Variants in GSDME observed in about 807,000 individuals in gnomAD.
The protein encoded by GSDME is gasdermin E.
In GSDME, 44 loss-of-function variants were observed where a neutral mutation model predicts 47.5. The observed-to-expected ratio is 0.93, with a 90% confidence interval of 0.73 to 1.19. The LOEUF (loss-of-function observed/expected upper bound fraction) is 1.19, where lower values mean the gene tolerates loss of function less well. Among genes scored for constraint, GSDME ranks in the 50% most tolerant of loss-of-function variants. GSDME has a pLI of 0.00. For missense variants in GSDME, 663 were observed against 604.2 expected, an observed-to-expected ratio of 1.10 and a Z score of -1.02; for synonymous variants, 258 against 252.8, an observed-to-expected ratio of 1.02 and a Z score of -0.20.
At chr7:24,791,978 G>C in the GSDME span, among the ~76,000 whole-genome samples, 2 of 152,184 alleles carry the variant, frequency 1.3e-5, no homozygotes, top group Admixed American at 6.5e-5. This position sits in a 1 kb window ranked among gnomAD's most constrained non-coding sequence, Gnocchi z 4.8. Flanking sequence ...GAGACAGCTT[G>C]GCACAACCTA....
In GSDME at chr7:24,710,336, A is replaced by T. The variant is rs760540379; in HGVS notation, c.750T>A (p.Ile250=). ...KQGGFENKKR[I]DSVYLDPLVF... is the part of the protein sequence containing the mutation. ...CCAGGGGGTCCAGGTAGACAGAGTC[A>T]ATTCTCTTCTTGTTCTCGAAGCCAC... Residue 250 remains isoleucine, a synonymous_variant, in exon 6 of 10, where the codon ATT becomes ATA. Transcript: ENST00000645220. 1.2e-6 allele frequency: 2 copies of T among 1,614,264 alleles called. No homozygotes were observed. The highest frequency in any genetic ancestry group is 1.7e-5 in the Admixed American group (1 of 60,032).
chr7:24,795,377 C>T, the GSDME span, among the ~76,000 whole-genome samples: 3 of 152,184 alleles, frequency 2.0e-5, no homozygotes, highest in Non-Finnish European at 4.4e-5. Context: ...GCAGACAAAA[C>T]CCCTCAGACA....
At chr7:24,731,949 C>T (rs1254240047) in intron 3 of GSDME, among the ~76,000 whole-genome samples, 1 of 152,152 alleles carries the variant, frequency 6.6e-6, no homozygotes, top group Non-Finnish European at 1.5e-5. Context: ...ACCCTGAATT[C>T]GGCCTAAAAA....
At chr7:24,785,309 G>A in the GSDME span, among the ~76,000 whole-genome samples, 1 of 152,160 alleles carries the variant, frequency 6.6e-6, no homozygotes, top group African/African-American at 2.4e-5. Flanking sequence ...ACCTTGAGTT[G>A]CAATTTCACT....
intron 1 of GSDME, among the ~76,000 whole-genome samples, chr7:24,755,029 C>A (rs548134218): frequency 6.6e-6 from 1 of 152,184 alleles, no homozygotes; most frequent in African/African-American, 2.4e-5. Flanking sequence ...TTCATAATAA[C>A]TCTTTGAAGT....
At chr7:24,727,388 A>G (rs534191096) in intron 3 of GSDME, among the ~76,000 whole-genome samples, 14 of 152,348 alleles carry the variant, frequency 9.2e-5, no homozygotes, top group South Asian at 6.2e-4. Flanking sequence ...TGGTTTCAAC[A>G]TCTCCCCAGA....
intron 9 of GSDME, chr7:24,702,350 C>T (rs1406217051): frequency 2.9e-6 from 1 of 348,110 alleles, no homozygotes; most frequent in Non-Finnish European, 5.6e-6. Flanking sequence ...CAGATCAGTC[C>T]TGGATACCTC....
At chr7:24,769,498 G>A in the GSDME span, among the ~76,000 whole-genome samples, 3 of 152,128 alleles carry the variant, frequency 2.0e-5, no homozygotes, top group Non-Finnish European at 2.9e-5. Context: ...AACGATTGGG[G>A]TTTTATCAGA....
At chr7:24,737,209 A>G (rs543788977) in intron 3 of GSDME, among the ~76,000 whole-genome samples, 1 of 152,080 alleles carries the variant, frequency 6.6e-6, no homozygotes, top group Non-Finnish European at 1.5e-5. Context: ...TAATGAAACA[A>G]AAGTTTGTTT....
In GSDME at chr7:24,744,306, T is replaced by C. The variant is rs2128062893; in HGVS notation, c.404+256A>G. ...CGTTCGCATTTTATAAATCATGTGA[T>C]TGAAGGAAGTACATATTTGCCTGAA... On this transcript the variant is annotated intron_variant, in intron 3 of 9. Coordinates refer to ENST00000645220, the MANE Select transcript of GSDME (RefSeq NM_001127453.2). The surrounding 1 kb of genome is among the most constrained non-coding windows in gnomAD (Gnocchi z 4.5). 1.9e-6 allele frequency: 1 copy of C among 525,514 alleles called. No individual in the cohort carries two copies. The allele number at this position is 525,514 out of a possible 1,614,324, so 32.6% of individuals were successfully genotyped here.
At chr7:24,700,549 G>A (rs1039997236) in intron 9 of GSDME, among the ~76,000 whole-genome samples, 1 of 152,178 alleles carries the variant, frequency 6.6e-6, no homozygotes, top group Non-Finnish European at 1.5e-5. Flanking sequence ...CTGAGCAGTG[G>A]TGACTATCTT....
chr7:24,727,185 T>A (rs1361916860), intron 3 of GSDME, among the ~76,000 whole-genome samples: 1 of 152,166 alleles, frequency 6.6e-6, no homozygotes, highest in African/African-American at 2.4e-5. Flanking sequence ...TCTCTGCTCA[T>A]TAGTGAAGAA....
At chr7:24,781,819 C>T in the GSDME span, among the ~76,000 whole-genome samples, 24 of 152,300 alleles carry the variant, frequency 1.6e-4, no homozygotes, top group African/African-American at 4.8e-4. Flanking sequence ...TCATAGCTCA[C>T]TATGGTCTTG....
At chr7:24,708,730 C>G (rs17209515) in intron 6 of GSDME, among the ~76,000 whole-genome samples, 12,443 of 152,206 alleles carry the variant, frequency 0.082, 714 homozygotes, top group Non-Finnish European at 0.12. Context: ...ATTTAATGCC[C>G]ATTTTTAAAG....
chr7:24,714,613 G>A lies in GSDME; in HGVS notation c.697+2641C>T, dbSNP rs956159116. ...GTACCTCTTCTCAGCAGCACAAAGA[G>A]GAGTTTATTTTCAAAGACAGTGGAA... On this transcript the variant is annotated intron_variant, in intron 5 of 9. Coordinates refer to ENST00000645220, the MANE Select transcript of GSDME (RefSeq NM_001127453.2). This position sits in a 1 kb window ranked among gnomAD's most constrained non-coding sequence, Gnocchi z 5.0. Among the ~76,000 whole-genome samples, 3 of 152,178 alleles carry A rather than the reference G, an allele frequency of 2.0e-5. No homozygotes were observed. In the East Asian group the frequency reaches 5.8e-4, roughly 29 times the overall value.
At chr7:24,710,200 C>G in intron 6 of GSDME, 24 bp downstream of exon 6, 1 of 1,612,468 alleles carries the variant, frequency 6.2e-7, no homozygotes, top group Non-Finnish European at 8.5e-7. Context: ...CAACTGCCCA[C>G]TACTCCTGCC....
intron 3 of GSDME, among the ~76,000 whole-genome samples, chr7:24,734,188 T>C (rs1443185700): frequency 6.6e-6 from 1 of 152,236 alleles, no homozygotes; most frequent in African/African-American, 2.4e-5. Flanking sequence ...GTGGTACCTC[T>C]ACAAGTCTAT....
In GSDME at chr7:24,708,023, G is replaced by T. The variant is rs1368500585; in HGVS notation, c.990+104C>A. The T allele has an allele frequency of 3.5e-6, 5 of 1,428,948 alleles. No individual in the cohort carries two copies. The African/African-American group carries it at 4.2e-5, about 12-fold the overall frequency. 88.5% of individuals were successfully genotyped at this position (1,428,948 alleles called of 1,614,324 possible). A position where few individuals can be genotyped will look rare whatever the true frequency, so the allele number is the denominator to read the frequency against. On this transcript the variant is annotated intron_variant, in intron 7 of 9. Transcript: ENST00000645220. ...GAGTCAGAAAAGAGACAGCTGTAGG[G>T]AGAAAAGGAGGCGGGGGAACCTTTA...
At chr7:24,774,421 C>A in the GSDME span, among the ~76,000 whole-genome samples, 1 of 151,246 alleles carries the variant, frequency 6.6e-6, no homozygotes, top group Non-Finnish European at 1.5e-5. Flanking sequence ...ATACTTCATG[C>A]TTTTCCCACA....
Sources: allele counts gnomAD v4.1 joint callset (sites outside exome capture counted in the v4.1 genomes callset), GRCh38; gene constraint gnomAD v4.1.1; non-coding constraint Gnocchi (gnomAD v3.1); transcripts MANE v1.5; gene names NCBI Gene and HGNC (gene_info 2026-07-23, HGNC 2026-07-21).